Variants in PTPRT observed in about 807,000 individuals in gnomAD.
The protein encoded by PTPRT is protein tyrosine phosphatase receptor type T.
In PTPRT, 56 loss-of-function variants were observed where a neutral mutation model predicts 176.8. That is an observed-to-expected ratio of 0.32 (90% confidence interval 0.26 to 0.40). PTPRT has a LOEUF of 0.40. PTPRT is among the 10% of genes least tolerant of loss of function. PTPRT has a pLI of 1.00. For synonymous variants in PTPRT, 783 were observed against 739.0 expected, an observed-to-expected ratio of 1.06 and a Z score of -0.96; for missense variants, 1,540 against 1,908.2, an observed-to-expected ratio of 0.81 and a Z score of 3.60.
At chr20:42,385,097 CA>C (rs1410612737) in intron 9 of PTPRT, among the ~76,000 whole-genome samples, 2 of 152,060 alleles carry the variant, frequency 1.3e-5, no homozygotes, top group African/African-American at 4.8e-5. Context: ...GATGTGATTC[CA>C]ATGGCCTATT....
At chr20:42,116,104 AG>A in intron 21 of PTPRT, 2 of 720,276 alleles carry the variant, frequency 2.8e-6, no homozygotes, top group Non-Finnish European at 5.2e-6. Flanking sequence ...GGGTGCTAAT[AG>A]GTGTTAGGTA....
chr20:43,017,429 G>C (rs533846939), intron 1 of PTPRT, among the ~76,000 whole-genome samples: 1 of 151,958 alleles, frequency 6.6e-6, no homozygotes, highest in African/African-American at 2.4e-5. Flanking sequence ...GGCCCACCTC[G>C]GTCTTGCTCT....
At chr20:43,045,673 G>A (rs1986809964) in intron 1 of PTPRT, among the ~76,000 whole-genome samples, 1 of 147,508 alleles carries the variant, frequency 6.8e-6, no homozygotes, top group Non-Finnish European at 1.5e-5. Context: ...ATGTTGCCCA[G>A]GCTGGTCTCA....
chr20:42,300,887 T>C (rs1330425665), intron 12 of PTPRT, among the ~76,000 whole-genome samples: 1 of 150,906 alleles, frequency 6.6e-6, no homozygotes, highest in African/African-American at 2.4e-5. Flanking sequence ...ATATTCTCAC[T>C]TATAGGTGGG....
At position 42,633,178 on chromosome 20, in the gene PTPRT, C is replaced by T. The variant is rs148525152; in HGVS notation, c.1153+44688G>A. On this transcript the variant is annotated intron_variant, in intron 7 of 30. Transcript: ENST00000373187. ...AACATTCTAGGTCCTTGAGAAGATC[C>T]TCATTTCAAAGGCAATAGAAACCAT... 4.5e-3 allele frequency among the ~76,000 whole-genome samples: 692 copies of T among 152,214 alleles called. 6 individuals are homozygous for T. Among genetic ancestry groups the T allele is most frequent in the African/African-American group, 0.016 (652 of 41,528 alleles).
chr20:42,621,199 T>A (rs1320295627), intron 7 of PTPRT, among the ~76,000 whole-genome samples: 1 of 152,028 alleles, frequency 6.6e-6, no homozygotes, highest in African/African-American at 2.4e-5. Context: ...GGTGCATCCT[T>A]CCCCCTGGGC....
intron 2 of PTPRT, among the ~76,000 whole-genome samples, chr20:42,795,573 CACCA>C (rs2077442779): frequency 2.0e-5 from 3 of 152,198 alleles, no homozygotes; most frequent in Non-Finnish European, 4.4e-5. Context: ...GGGCCTTGGG[CACCA>C]AGAGCTCAGC....
chr20:42,795,309 T>G (rs1249837440), intron 2 of PTPRT, among the ~76,000 whole-genome samples: 2 of 152,320 alleles, frequency 1.3e-5, no homozygotes, highest in South Asian at 2.1e-4. Context: ...GGCCATAAAT[T>G]TTGCATTTTT....
chr20:42,845,645 T>C (rs575822655), intron 2 of PTPRT, among the ~76,000 whole-genome samples: 158 of 152,252 alleles, frequency 1.0e-3, no homozygotes, highest in Non-Finnish European at 1.7e-3. Flanking sequence ...AGGAAGGGCA[T>C]GGCAGAGAAC....
chr20:42,189,422 G>A (rs1002764574), intron 16 of PTPRT, among the ~76,000 whole-genome samples: 2 of 152,072 alleles, frequency 1.3e-5, no homozygotes, highest in African/African-American at 4.8e-5. Flanking sequence ...TCTCCTCTTA[G>A]AGGACAGTAA....
At position 42,696,509 on chromosome 20, in the gene PTPRT, G is replaced by A. The variant is rs533574008; in HGVS notation, c.860-18350C>T. On this transcript the variant is annotated intron_variant, in intron 6 of 30. Coordinates refer to ENST00000373187, the MANE Select transcript of PTPRT (RefSeq NM_007050.6). ...CTCGCTCTGTCGCCCAGGCTGGAGT[G>A]CAGTGGCATGATCTCGGCTCACTGC... is the stretch of plus-strand genomic sequence containing the variant. Among the ~76,000 whole-genome samples the A allele has an allele frequency of 1.1e-4, 17 of 150,296 alleles. No individual in the cohort carries two copies. The East Asian group carries it at 2.8e-3, about 24-fold the overall frequency.
intron 17 of PTPRT, among the ~76,000 whole-genome samples, chr20:42,150,261 C>T (rs1317317547): frequency 3.5e-5 from 5 of 144,694 alleles, no homozygotes; most frequent in African/African-American, 1.2e-4. Flanking sequence ...ATTTCATTTA[C>T]CCATTTACCT....
At chr20:42,064,531 T>G in the PTPRT span, among the ~76,000 whole-genome samples, 3 of 152,200 alleles carry the variant, frequency 2.0e-5, no homozygotes, top group Non-Finnish European at 4.4e-5. Flanking sequence ...CCATTATGTT[T>G]TCTAATATAT....
chr20:43,036,300 T>C (rs1489569556), intron 1 of PTPRT, among the ~76,000 whole-genome samples: 1 of 152,220 alleles, frequency 6.6e-6, no homozygotes, highest in Admixed American at 6.5e-5. Context: ...AGTGGGATCA[T>C]GGCATACTAC....
intron 22 of PTPRT, among the ~76,000 whole-genome samples, chr20:42,111,567 G>A (rs6029981): frequency 0.052 from 7,779 of 150,180 alleles, 331 homozygotes; most frequent in African/African-American, 0.1. Context: ...TCTTGAAACA[G>A]ACTAATAGTG....
chr20:42,925,450 G>C (rs1283104955), intron 1 of PTPRT, among the ~76,000 whole-genome samples: 1 of 152,148 alleles, frequency 6.6e-6, no homozygotes, highest in African/African-American at 2.4e-5. Context: ...AGTGTTGGAA[G>C]GGCAAGGAGT....
intron 1 of PTPRT, among the ~76,000 whole-genome samples, chr20:42,905,622 G>A (rs1369426106): frequency 1.3e-5 from 2 of 152,166 alleles, no homozygotes; most frequent in South Asian, 4.1e-4. Flanking sequence ...GCACACATAT[G>A]TTTATTGTGG....
At chr20:42,309,480 G>A (rs2057594883) in intron 12 of PTPRT, among the ~76,000 whole-genome samples, 2 of 152,204 alleles carry the variant, frequency 1.3e-5, no homozygotes, top group South Asian at 4.1e-4. Context: ...TTACTACTAT[G>A]ATGGAGAAAA....
At chr20:42,792,126 T>C (rs1010178544) in intron 2 of PTPRT, among the ~76,000 whole-genome samples, 1 of 152,162 alleles carries the variant, frequency 6.6e-6, no homozygotes, top group African/African-American at 2.4e-5. Flanking sequence ...GGATCAAGAA[T>C]ACACACATGG....
Sources: allele counts gnomAD v4.1 joint callset (sites outside exome capture counted in the v4.1 genomes callset), GRCh38; gene constraint gnomAD v4.1.1; transcripts MANE v1.5; gene names NCBI Gene and HGNC (gene_info 2026-07-23, HGNC 2026-07-21).